Variants in MATR3 observed in about 807,000 individuals in gnomAD.
MATR3 encodes the protein matrin 3.
MATR3 carries 4 observed loss-of-function variants against 85.5 expected under a neutral mutation model. The observed-to-expected ratio is 0.05, with a 90% CI of 0.02 to 0.11. The LOEUF is 0.11. MATR3 is among the 10% of genes least tolerant of loss of function. The pLI is 1.00. For missense variants in MATR3, 685 were observed against 1,016.1 expected (o/e 0.67, Z 4.43); for synonymous variants, 336 against 343.1 (o/e 0.98, Z 0.23).
chr5:139,323,093 C>G (rs1208188956), intron 12 of MATR3, 126 bp downstream of exon 12: 1 of 957,806 alleles, frequency 1.0e-6, no homozygotes, highest in East Asian at 2.7e-5. Flanking sequence ...AGATATGAAC[C>G]AGAATATAAA....
At chr5:139,290,050 T>C (rs1323202634), upstream of MATR3, among the ~76,000 whole-genome samples, 1 of 152,214 alleles carries the variant, frequency 6.6e-6, no homozygotes, top group Admixed American at 6.5e-5. Context: ...TCCTCTGCCT[T>C]CCCTTCATAT....
chr5:139,326,714 C>G (rs946543672), intron 14 of MATR3, among the ~76,000 whole-genome samples: 2 of 152,128 alleles, frequency 1.3e-5, no homozygotes, highest in African/African-American at 4.8e-5. Flanking sequence ...CATGAGCCAC[C>G]GCGCCTGGCC....
At chr5:139,325,763 T>C (rs1755824122) in intron 13 of MATR3, 101 bp downstream of exon 13, 1 of 1,029,694 alleles carries the variant, frequency 9.7e-7, no homozygotes. Context: ...TAAGCTGTGA[T>C]AGCATTTTAA....
rs773617455 is a variant in MATR3, at chr5:139,314,722, G to T, written c.960G>T (p.Gln320His). Residue 320 changes from glutamine to histidine, a missense_variant, in exon 3 of 15, where the codon CAG becomes CAT. Physicochemically the swap from Gln to His is conservative, Grantham distance 24. Transcript: ENST00000394805. ...GAGCAAGTCACAGTCGTCGATGCCAGCTTCTTCTTGAAATGTAGGAGTTTG... is the reference window on the plus strand; with the variant it reads ...GAGCAAGTCACAGTCGTCGATGCCATCTTCTTCTTGAAATGTAGGAGTTTG... ...INGASHSRRCQLLLEIYPEWN... is the reference protein window; with the variant it reads ...INGASHSRRCHLLLEIYPEWN... The T allele has an allele frequency of 1.2e-6, 2 of 1,613,590 alleles. No individual in the cohort carries two copies. Among genetic ancestry groups the T allele is most frequent in the African/African-American group, 2.7e-5 (2 of 74,874 alleles).
chr5:139,319,858 T>A (rs1393316303), intron 9 of MATR3, among the ~76,000 whole-genome samples: 1 of 108,730 alleles, frequency 9.2e-6, no homozygotes, highest in Non-Finnish European at 1.7e-5. Flanking sequence ...AAAAAAAATT[T>A]GCTTTTTTTT....
intron 1 of MATR3, among the ~76,000 whole-genome samples, chr5:139,303,608 T>C (rs1036152908): frequency 1.3e-5 from 2 of 152,084 alleles, no homozygotes; most frequent in Non-Finnish European, 2.9e-5. Flanking sequence ...GTGGCATGTG[T>C]CTGTAGTCCC....
chr5:139,281,488 A>G (rs1313793368), intron 3 of MATR3, among the ~76,000 whole-genome samples: 2 of 150,832 alleles, frequency 1.3e-5, no homozygotes, highest in Non-Finnish European at 2.9e-5. Context: ...GACTATAGTC[A>G]CACGCCACCA....
chr5:139,278,603 T>C (rs1415178075), intron 2 of MATR3: 3 of 357,926 alleles, frequency 8.4e-6, no homozygotes, highest in East Asian at 1.5e-4. Context: ...AGGACCTCCC[T>C]GAATGTTGCA....
rs562219649 is a variant in MATR3, at chr5:139,325,192, CAAAAAA to C, written c.2149-242_2149-237del. Reference sequence around the variant, plus strand: ...TGGTCGACAGAGCAAGACTCCGTCTCAAAAAAAAAAAGGCAAAGACGCTATCCGTTT... The same window carrying C: ...TGGTCGACAGAGCAAGACTCCGTCTCAAAAAGGCAAAGACGCTATCCGTTT... On this transcript the variant is annotated intron_variant, in intron 12 of 14. Coordinates refer to ENST00000394805, the MANE Select transcript of MATR3 (RefSeq NM_018834.6). The C allele has an allele frequency of 2.8e-6, 3 of 1,084,980 alleles. No individual in the cohort carries two copies. The African/African-American group carries it at 5.0e-5, about 18-fold the overall frequency. The allele number at this position is 1,084,980 out of a possible 1,614,324, so 67.2% of individuals were successfully genotyped here.
chr5:139,329,546 A>C lies in MATR3; in HGVS notation c.*151A>C. 1.4e-6 allele frequency: 1 copy of C among 694,596 alleles called. No homozygotes were observed. Among genetic ancestry groups the C allele is most frequent in the South Asian group, 1.5e-5 (1 of 66,242 alleles). The allele number at this position is 694,596 out of a possible 1,614,324, so 43.0% of individuals were successfully genotyped here. ...ATAATAGATGTCTGTTCATGTGTTA[A>C]GTGTTATAGCAAAAAAAATACACAT... On this transcript the variant is annotated 3_prime_UTR_variant, in exon 15 of 15. Transcript: ENST00000394805.
In MATR3 at chr5:139,315,749, T is replaced by TG; in HGVS notation, c.1016+11_1016+12insG. 6.2e-7 allele frequency: 1 copy of TG among 1,602,536 alleles called. No homozygotes were observed. Among genetic ancestry groups the TG allele is most frequent in the Non-Finnish European group, 8.5e-7 (1 of 1,169,676 alleles). ...TACAGGACACACAATGTAAGTTAAA[T>TG]TTTTTAAGCTACCATTTGTAAAGGA... On this transcript the variant is annotated intron_variant, in intron 4 of 14. Transcript: ENST00000394805.
At chr5:139,311,782 T>G (rs930570197) in intron 2 of MATR3, 7 of 101,220 alleles carry the variant, frequency 6.9e-5, no homozygotes, top group Non-Finnish European at 1.2e-4. Context: ...TTTTTTTTTT[T>G]TTTGAGAAGG....
intron 12 of MATR3, chr5:139,325,159 C>T (rs1054485782): frequency 8.8e-6 from 11 of 1,253,608 alleles, no homozygotes; most frequent in Non-Finnish European, 1.2e-5. Flanking sequence ...CGCCACTGCA[C>T]CCCAGCCTGG....
rs1755644543 is a variant in MATR3 at position 139,322,802 on chromosome 5, TGAA to T, written c.1991_1993del (p.Glu664del). 1.2e-6 allele frequency: 2 copies of T among 1,614,180 alleles called. No individual in the cohort carries two copies. Among genetic ancestry groups the T allele is most frequent in the Non-Finnish European group, 1.7e-6 (2 of 1,180,042 alleles). ...AATCTGAAGATGAGCTACTTGTAGA[TGAA>T]GAAGAAGCAGCAGCACTGCTAGAAA... On this transcript the variant is annotated inframe_deletion, in exon 12 of 15. Coordinates refer to ENST00000394805, the MANE Select transcript of MATR3 (RefSeq NM_018834.6).
Position 139,316,759 on chromosome 5 carries a change from C to T in MATR3, c.1130-294C>T, listed in dbSNP as rs551323347. Among the ~76,000 whole-genome samples, 5 of 152,188 alleles carry T rather than the reference C, an allele frequency of 3.3e-5. No individual in the cohort carries two copies. The East Asian group carries it at 7.7e-4, about 24-fold the overall frequency. On this transcript the variant is annotated intron_variant, in intron 5 of 14. Coordinates refer to ENST00000394805, the MANE Select transcript of MATR3 (RefSeq NM_018834.6). ...GAGGCAGGGGTTTCGCGGTGTTGCC[C>T]AGGCTGGTCTCAAACACCTGGCCTC... is the stretch of plus-strand genomic sequence containing the variant.
intron 2 of MATR3, among the ~76,000 whole-genome samples, chr5:139,277,933 A>G (rs1177129168): frequency 6.6e-6 from 1 of 152,070 alleles, no homozygotes; most frequent in East Asian, 1.9e-4. Flanking sequence ...TCTTTTAGCA[A>G]TTTTGAAATA....
chr5:139,325,833 T>C (rs1318122243), intron 13 of MATR3, among the ~76,000 whole-genome samples, 171 bp downstream of exon 13: 1 of 152,268 alleles, frequency 6.6e-6, no homozygotes, highest in Non-Finnish European at 1.5e-5. Flanking sequence ...TTTCCTCTCA[T>C]GCATGTCTCT....
At chr5:139,328,451 AG>A (rs1755969092) in intron 14 of MATR3, among the ~76,000 whole-genome samples, 1 of 152,098 alleles carries the variant, frequency 6.6e-6, no homozygotes, top group African/African-American at 2.4e-5. Flanking sequence ...GTCTTAATGG[AG>A]CTCCCGTGTC....
At chr5:139,288,269 T>C (rs1753769666) in intron 3 of MATR3, among the ~76,000 whole-genome samples, 1 of 149,430 alleles carries the variant, frequency 6.7e-6, no homozygotes, top group Admixed American at 6.8e-5. Flanking sequence ...GTCTTTTTGC[T>C]GATAAGCCCC....
Sources: gnomAD v4.1 joint callset for allele counts (sites outside exome capture counted in the v4.1 genomes callset) on GRCh38, gnomAD v4.1.1 for gene constraint, MANE v1.5 for transcripts, NCBI Gene and HGNC (gene_info 2026-07-23, HGNC 2026-07-21) for gene names.